The following TMEM135 variants were observed in gnomAD, a reference collection of about 807,000 sequenced individuals.
The protein encoded by TMEM135 is transmembrane protein 135.
Under a neutral mutation model 60.3 loss-of-function variants are expected in TMEM135, and 30 were observed. The ratio of observed to expected loss-of-function variants is 0.50; its 90% confidence interval spans 0.37 to 0.68. The LOEUF is 0.68. TMEM135 is among the 30% of genes least tolerant of loss of function. The pLI, the probability that TMEM135 is intolerant of heterozygous loss-of-function variation, is 0.00. For missense variants in TMEM135, 468 were observed against 548.8 expected (o/e 0.85, Z 1.47); for synonymous variants, 190 against 186.7 (o/e 1.02, Z -0.14).
intron 6 of TMEM135, among the ~76,000 whole-genome samples, chr11:87,264,758 C>A (rs1454045489): frequency 2.0e-5 from 3 of 151,672 alleles, no homozygotes; most frequent in East Asian, 1.9e-4. Context: ...TCAATAAAGT[C>A]AAAAAAATCT....
At chr11:87,161,669 A>G (rs1332837954) in intron 5 of TMEM135, among the ~76,000 whole-genome samples, 1 of 152,194 alleles carries the variant, frequency 6.6e-6, no homozygotes, top group Non-Finnish European at 1.5e-5. Context: ...CACTGAGAAC[A>G]TGTAATGAAC....
At chr11:87,088,226 C>G (rs896481964) in intron 3 of TMEM135, among the ~76,000 whole-genome samples, 2 of 152,258 alleles carry the variant, frequency 1.3e-5, no homozygotes, top group Non-Finnish European at 1.5e-5. Context: ...GGGTATGAGG[C>G]CAGTTTCCCC....
At chr11:87,106,453 T>C (rs2512353) in intron 4 of TMEM135, among the ~76,000 whole-genome samples, 83,233 of 151,976 alleles carry the variant, frequency 0.55, 23,607 homozygotes, top group East Asian at 0.71. Context: ...TAATTGGATT[T>C]AGTTTGCTAG....
chr11:87,309,246 G>A (rs1172940182), intron 9 of TMEM135, among the ~76,000 whole-genome samples: 1 of 152,132 alleles, frequency 6.6e-6, no homozygotes, highest in Non-Finnish European at 1.5e-5. Context: ...TGGTGCATAG[G>A]CAAGCTTGGC....
chr11:87,260,636 C>T (rs1390219587), intron 6 of TMEM135, among the ~76,000 whole-genome samples: 1 of 151,788 alleles, frequency 6.6e-6, no homozygotes, highest in Non-Finnish European at 1.5e-5. Context: ...GAGCTTTTAC[C>T]TTCTTAAAAG....
intron 6 of TMEM135, among the ~76,000 whole-genome samples, chr11:87,258,405 A>G (rs1456316107): frequency 6.6e-6 from 1 of 151,996 alleles, no homozygotes; most frequent in East Asian, 1.9e-4. Context: ...GCCACATTAC[A>G]CCACAGTTGT....
intron 5 of TMEM135, among the ~76,000 whole-genome samples, chr11:87,228,312 G>A (rs1455993924): frequency 6.6e-6 from 1 of 152,264 alleles, no homozygotes; most frequent in East Asian, 1.9e-4. Context: ...TTTTATTCAA[G>A]ATCATGAAGG....
intron 4 of TMEM135, among the ~76,000 whole-genome samples, chr11:87,138,334 G>A (rs941763535): frequency 2.6e-5 from 4 of 151,996 alleles, no homozygotes; most frequent in Admixed American, 1.3e-4. Context: ...CAGGTGATCC[G>A]CCCGCCTTGG....
At chr11:87,173,701 G>C (rs931190295) in intron 5 of TMEM135, among the ~76,000 whole-genome samples, 4 of 152,106 alleles carry the variant, frequency 2.6e-5, no homozygotes, top group Non-Finnish European at 5.9e-5. Flanking sequence ...ATTGGGGTGA[G>C]TAAATGGAGA....
At chr11:87,183,554 A>G (rs907065448) in intron 5 of TMEM135, among the ~76,000 whole-genome samples, 12 of 152,140 alleles carry the variant, frequency 7.9e-5, no homozygotes, top group Admixed American at 7.9e-4. Context: ...CAAAAAGGAC[A>G]TTGCGGTTAA....
intron 12 of TMEM135, 79 bp from the exon 13 acceptor site, chr11:87,318,058 G>T: frequency 5.6e-6 from 6 of 1,068,028 alleles, no homozygotes; most frequent in Non-Finnish European, 7.2e-6. Flanking sequence ...AAGGTTGTAG[G>T]CAGGGAGCAC....
rs2134537302 is a variant in TMEM135, at chr11:87,319,305, C to T, written c.1177-5C>T. The T allele has an allele frequency of 6.2e-7, 1 of 1,610,342 alleles. No individual in the cohort carries two copies. Among genetic ancestry groups the T allele is most frequent in the Non-Finnish European group, 8.5e-7 (1 of 1,176,760 alleles). ...ACTAAAAGAATTCTCAAATTTAATA[C>T]TCAGGCTGTCATGGAAGTTCAGACT... On this transcript the variant is annotated splice_polypyrimidine_tract_variant and splice_region_variant and intron_variant, in intron 13 of 14. Coordinates refer to ENST00000305494, the MANE Select transcript of TMEM135 (RefSeq NM_022918.4).
chr11:87,238,906 C>T (rs575632201), intron 6 of TMEM135, among the ~76,000 whole-genome samples: 2 of 152,140 alleles, frequency 1.3e-5, no homozygotes, highest in South Asian at 4.1e-4. Context: ...TATTTAAAAT[C>T]TTTCCCATTG....
chr11:87,037,962 G>T lies in TMEM135; in HGVS notation c.-84G>T, dbSNP rs777542785. On this transcript the variant is annotated 5_prime_UTR_variant, in exon 1 of 15. Coordinates refer to ENST00000305494, the MANE Select transcript of TMEM135 (RefSeq NM_022918.4). ...CCGCACCTCCGAGTGCTGGCCGGGC[G>T]AGAGGCTGGCGGCTGGGCTCTCGCG... 29 of 1,598,184 alleles carry T rather than the reference G, an allele frequency of 1.8e-5. No homozygotes were observed. The highest frequency in any genetic ancestry group is 2.3e-5 in the Non-Finnish European group (27 of 1,173,288).
intron 14 of TMEM135, among the ~76,000 whole-genome samples, chr11:87,320,052 G>A (rs1367438902): frequency 1.3e-5 from 2 of 152,164 alleles, no homozygotes; most frequent in East Asian, 1.9e-4. Flanking sequence ...TAAATTGCAT[G>A]TATGAATTGC....
chr11:87,149,032 T>TTTTG (rs1555110438), intron 4 of TMEM135, among the ~76,000 whole-genome samples: 4 of 143,598 alleles, frequency 2.8e-5, no homozygotes, highest in African/African-American at 1.0e-4. Context: ...CCCCATACCT[T>TTTTG]TGTGTGTGTG....
At chr11:87,258,900 C>G (rs1211695772) in intron 6 of TMEM135, 1 of 1,134,518 alleles carries the variant, frequency 8.8e-7, no homozygotes, top group Non-Finnish European at 1.3e-6. Context: ...TTCCTGAGAG[C>G]CCTGTGTTAG....
intron 6 of TMEM135, among the ~76,000 whole-genome samples, chr11:87,261,713 C>T (rs1941655151): frequency 6.6e-6 from 1 of 152,128 alleles, no homozygotes; most frequent in Non-Finnish European, 1.5e-5. Context: ...CCTCAAACGT[C>T]TGGCCTTAAG....
At chr11:87,271,779 CAA>C (rs1047031787) in intron 6 of TMEM135, among the ~76,000 whole-genome samples, 1 of 151,126 alleles carries the variant, frequency 6.6e-6, no homozygotes, top group Non-Finnish European at 1.5e-5. Flanking sequence ...ATAAAAAATA[CAA>C]AAAAAATACC....
Sources: gnomAD v4.1 joint callset for allele counts (sites outside exome capture counted in the v4.1 genomes callset) on GRCh38, gnomAD v4.1.1 for gene constraint, MANE v1.5 for transcripts, NCBI Gene and HGNC (gene_info 2026-07-23, HGNC 2026-07-21) for gene names.